Variants in TAF4B observed in about 807,000 individuals in gnomAD.
TAF4B encodes the protein transcription initiation factor TFIID subunit 4B.
Under a neutral mutation model 86.4 loss-of-function variants are expected in TAF4B, and 38 were observed. That is an observed-to-expected ratio of 0.44 (90% CI 0.34 to 0.58). The LOEUF is 0.58. TAF4B is among the 20% of genes least tolerant of loss of function. The probability of loss-of-function intolerance (pLI) is 0.02; values close to 1 mark genes in which losing one functional copy is unlikely to be tolerated. For missense variants in TAF4B, 988 were observed against 1,027.6 expected (o/e 0.96, Z 0.53); for synonymous variants, 388 against 391.2 (o/e 0.99, Z 0.10).
At chr18:26,228,579 A>G (rs1179087476) in intron 1 of TAF4B, among the ~76,000 whole-genome samples, 1 of 152,184 alleles carries the variant, frequency 6.6e-6, no homozygotes, top group African/African-American at 2.4e-5. Context: ...CTAATTTGTT[A>G]AACTGTAAAT....
intron 14 of TAF4B, among the ~76,000 whole-genome samples, chr18:26,362,331 G>A (rs2057338552): frequency 6.6e-6 from 1 of 152,102 alleles, no homozygotes; most frequent in African/African-American, 2.4e-5. Flanking sequence ...TGTCATATTT[G>A]TAATCATAGT....
chr18:26,378,212 G>A (rs1023537195), intron 14 of TAF4B, among the ~76,000 whole-genome samples: 4 of 152,000 alleles, frequency 2.6e-5, no homozygotes, highest in Non-Finnish European at 4.4e-5. Flanking sequence ...CATCGTGAGG[G>A]GGCAAATTCA....
intron 12 of TAF4B, among the ~76,000 whole-genome samples, chr18:26,333,809 CTCT>C (rs1474774567): frequency 1.3e-5 from 2 of 151,708 alleles, no homozygotes; most frequent in African/African-American, 4.8e-5. Flanking sequence ...TTTTATTTTT[CTCT>C]TCTTAAAATG....
At chr18:26,251,673 G>A (rs1468756048) in intron 1 of TAF4B, among the ~76,000 whole-genome samples, 1 of 152,170 alleles carries the variant, frequency 6.6e-6, no homozygotes, top group Non-Finnish European at 1.5e-5. Flanking sequence ...TGGAAAAAGT[G>A]AGTCTCAGAT....
chr18:26,284,216 G>A (rs1156757963), intron 6 of TAF4B, among the ~76,000 whole-genome samples: 1 of 152,180 alleles, frequency 6.6e-6, no homozygotes, highest in East Asian at 1.9e-4. Flanking sequence ...TTCTTCTGCA[G>A]CTTCCTCACT....
intron 9 of TAF4B, among the ~76,000 whole-genome samples, chr18:26,311,036 A>G (rs1394332260): frequency 6.6e-6 from 1 of 152,166 alleles, no homozygotes; most frequent in African/African-American, 2.4e-5. Context: ...TATTTTTAAC[A>G]AAGTTCCATA....
chr18:26,290,206 C>G (rs2056575072), intron 7 of TAF4B, among the ~76,000 whole-genome samples: 1 of 152,104 alleles, frequency 6.6e-6, no homozygotes, highest in Non-Finnish European at 1.5e-5. Context: ...GTGGTGCCAT[C>G]ATGGTTCACT....
At chr18:26,249,445 C>G (rs1259270878) in intron 1 of TAF4B, among the ~76,000 whole-genome samples, 1 of 151,552 alleles carries the variant, frequency 6.6e-6, no homozygotes, top group Non-Finnish European at 1.5e-5. Flanking sequence ...GCACTCCAGC[C>G]TGGGCAACAG....
At chr18:26,291,251 T>C (rs1332233096) in intron 7 of TAF4B, among the ~76,000 whole-genome samples, 2 of 152,110 alleles carry the variant, frequency 1.3e-5, no homozygotes, top group African/African-American at 4.8e-5. Context: ...ACTGTTTTTC[T>C]ACCTGTTTTG....
Position 26,250,387 on chromosome 18 carries a change from C to G in TAF4B, c.344-14783C>G, listed in dbSNP as rs557665981. ...TAGCAGGCGCCTGTAGTCCGAGCTACTCGAGAGGCTGAGGCAGGAGAATAG... is the reference window on the plus strand; with the variant it reads ...TAGCAGGCGCCTGTAGTCCGAGCTAGTCGAGAGGCTGAGGCAGGAGAATAG... On this transcript the variant is annotated intron_variant, in intron 1 of 14. Transcript: ENST00000269142. Among the ~76,000 whole-genome samples the G allele has an allele frequency of 3.3e-5, 5 of 151,912 alleles. No individual in the cohort carries two copies. In the South Asian group the frequency reaches 1.0e-3, roughly 32 times the overall value.
chr18:26,298,045 A>G (rs1417294068), intron 9 of TAF4B, among the ~76,000 whole-genome samples: 2 of 88,446 alleles, frequency 2.3e-5, no homozygotes, highest in African/African-American at 9.0e-5. Context: ...CCCGCCCCCC[A>G]CCCCTCCAAT....
intron 14 of TAF4B, among the ~76,000 whole-genome samples, chr18:26,381,614 C>T (rs779805029): frequency 2.6e-5 from 4 of 151,866 alleles, no homozygotes; most frequent in Non-Finnish European, 5.9e-5. Context: ...GTAATCCCAG[C>T]TACTCGAGAG....
chr18:26,291,126 A>G (rs192551592), intron 7 of TAF4B, among the ~76,000 whole-genome samples: 20 of 152,322 alleles, frequency 1.3e-4, no homozygotes, highest in Admixed American at 5.9e-4. Flanking sequence ...AGTTGAATAA[A>G]TTGAACTCTA....
At position 26,293,514 on chromosome 18, in the gene TAF4B, T is replaced by G. The variant is rs1047504661; in HGVS notation, c.1815T>G (p.Asn605Lys). The G allele has an allele frequency of 3.8e-6, 6 of 1,564,170 alleles. No homozygotes were observed. In the African/African-American group the frequency reaches 8.3e-5, roughly 22 times the overall value. Residue 605 changes from asparagine (N) to lysine (K), a missense_variant, in exon 9 of 15, where the codon AAT (asparagine) becomes AAG (lysine). By Grantham distance (94) the Asn-to-Lys change is moderately conservative. Coordinates refer to ENST00000269142, the MANE Select transcript of TAF4B (RefSeq NM_005640.3). ...SPTQKNRIKENVTSCFRDEDD... is the reference protein window; with the variant it reads ...SPTQKNRIKEKVTSCFRDEDD... ...CTCAGAAAAATAGAATAAAAGAGAA[T>G]GTAACATCATGCTTCCGGTAAGAAA...
At chr18:26,363,587 A>G (rs1287416456) in intron 14 of TAF4B, among the ~76,000 whole-genome samples, 3 of 151,972 alleles carry the variant, frequency 2.0e-5, no homozygotes, top group Admixed American at 6.6e-5. Flanking sequence ...AGAGAGCCCT[A>G]TTGCATGCTC....
Position 26,226,481 on chromosome 18 carries a change from G to T in TAF4B, c.-453G>T, listed in dbSNP as rs975585817. 6.5e-6 allele frequency: 1 copy of T among 153,006 alleles called. No homozygotes were observed. The highest frequency in any genetic ancestry group is 1.5e-5 in the Non-Finnish European group (1 of 68,670). 9.5% of individuals were successfully genotyped at this position (153,006 alleles called of 1,614,324 possible). On this transcript the variant is annotated 5_prime_UTR_variant, in exon 1 of 15. Transcript: ENST00000269142. Reference sequence around the variant, plus strand: ...AACATGGCTGGCGTGGCCGCGCGGCGGGGCCGTGCCAATCGCGCGTAGGGG... The same window carrying T: ...AACATGGCTGGCGTGGCCGCGCGGCTGGGCCGTGCCAATCGCGCGTAGGGG...
chr18:26,364,443 G>GATTTAGAGTATTTAGAGT (rs201532232), intron 14 of TAF4B, among the ~76,000 whole-genome samples: 6,336 of 152,176 alleles, frequency 0.042, 185 homozygotes, highest in Non-Finnish European at 0.058. Flanking sequence ...CCTACTTTAA[G>GATTTAGAGTATTTAGAGT]ATTTAGAGTA....
chr18:26,309,290 A>T (rs999763681), intron 9 of TAF4B, among the ~76,000 whole-genome samples: 1 of 118,954 alleles, frequency 8.4e-6, no homozygotes, highest in Non-Finnish European at 1.6e-5. Context: ...TGCCAATGAT[A>T]AAGTTGGAGC....
At chr18:26,314,164 G>A (rs1247558918) in intron 9 of TAF4B, among the ~76,000 whole-genome samples, 1 of 151,938 alleles carries the variant, frequency 6.6e-6, no homozygotes, top group Non-Finnish European at 1.5e-5. Flanking sequence ...ATTGACAAAA[G>A]ACCATATTAT....
Sources: allele counts gnomAD v4.1 joint callset (sites outside exome capture counted in the v4.1 genomes callset), GRCh38; gene constraint gnomAD v4.1.1; transcripts MANE v1.5; gene names NCBI Gene and HGNC (gene_info 2026-07-23, HGNC 2026-07-21).